Variants in SOX6 observed in about 807,000 individuals in gnomAD.
The protein encoded by SOX6 is SRY-box transcription factor 6.
In SOX6, 11 loss-of-function variants were observed where a neutral mutation model predicts 97.8. That is an observed-to-expected ratio of 0.11 (90% CI 0.07 to 0.19). SOX6 has a LOEUF of 0.19. SOX6 is among the 10% of genes least tolerant of loss of function. SOX6 has a pLI of 1.00. For synonymous variants in SOX6, 360 were observed against 371.4 expected (o/e 0.97, Z 0.35); for missense variants, 810 against 1,039.5 (o/e 0.78, Z 3.04).
intron 10 of SOX6, among the ~76,000 whole-genome samples, chr11:16,052,864 G>A (rs887768795): frequency 6.6e-6 from 1 of 152,152 alleles, no homozygotes; most frequent in African/African-American, 2.4e-5. Context: ...TGATGCCCAT[G>A]TGTCAGGAGG....
intron 1 of SOX6, among the ~76,000 whole-genome samples, chr11:16,400,385 G>T (rs1178892965): frequency 6.6e-6 from 1 of 151,396 alleles, no homozygotes; most frequent in African/African-American, 2.4e-5. Context: ...AGTTTGGTGA[G>T]ATCCTTATAC....
chr11:16,484,108 G>A (rs1387010563), intron 4 of SOX6: 1 of 770,378 alleles, frequency 1.3e-6, no homozygotes, highest in Non-Finnish European at 2.4e-6. Context: ...TGAGGTACAG[G>A]TGACACTCAA....
At chr11:16,097,729 A>G (rs375420195) in intron 7 of SOX6, 41 bp from the exon 8 acceptor site, 11 of 1,541,682 alleles carry the variant, frequency 7.1e-6, no homozygotes, top group African/African-American at 5.5e-5. Context: ...GACAATGCAC[A>G]GGGAATTGCA....
intron 1 of SOX6, among the ~76,000 whole-genome samples, chr11:16,345,548 C>T (rs1444922797): frequency 6.6e-6 from 1 of 152,034 alleles, no homozygotes; most frequent in Non-Finnish European, 1.5e-5. Context: ...TACTCCAAAA[C>T]ACCAGTACAA....
chr11:16,174,329 C>A (rs1851124111), intron 6 of SOX6, among the ~76,000 whole-genome samples: 1 of 151,876 alleles, frequency 6.6e-6, no homozygotes, highest in African/African-American at 2.4e-5. Context: ...ACTATGAATT[C>A]CTTAACTTTC....
At chr11:16,052,822 T>A (rs73417077) in intron 10 of SOX6, among the ~76,000 whole-genome samples, 2,268 of 152,288 alleles carry the variant, frequency 0.015, 51 homozygotes, top group African/African-American at 0.052. Context: ...TTTTCCCCAG[T>A]ACTGAGGTTA....
chr11:16,278,349 G>A (rs1400694793), intron 3 of SOX6, among the ~76,000 whole-genome samples: 1 of 151,936 alleles, frequency 6.6e-6, no homozygotes, highest in East Asian at 1.9e-4. Flanking sequence ...ACCCAACAAG[G>A]CATAATTGCC....
chr11:16,706,450 A>C (rs1409089140), intron 3 of SOX6, among the ~76,000 whole-genome samples: 508 of 5,800 alleles, frequency 0.088, 7 homozygotes, highest in African/African-American at 0.25. Context: ...AACCTATCAC[A>C]AAAAAAAAAA....
chr11:16,727,689 C>T (rs139961626), intron 2 of SOX6, among the ~76,000 whole-genome samples: 1 of 151,968 alleles, frequency 6.6e-6, no homozygotes, highest in African/African-American at 2.4e-5. Flanking sequence ...CTGCCCACCT[C>T]GGCCTCCCAA....
chr11:16,405,460 T>C (rs1371839149), intron 1 of SOX6, among the ~76,000 whole-genome samples: 1 of 151,974 alleles, frequency 6.6e-6, no homozygotes, highest in Non-Finnish European at 1.5e-5. Flanking sequence ...CGAATACAGC[T>C]TCAGATGAAT....
In SOX6 at chr11:15,968,447, G is replaced by A. The variant is rs1204555502; in HGVS notation, c.*4362C>T. ...TTCCTCTCCCTAATGAGTTGGTAGA[G>A]GTCAATTCTTTGCAAAATGAGTAAA... On this transcript the variant is annotated 3_prime_UTR_variant, in exon 16 of 16. Transcript: ENST00000683767. 1 of 152,272 alleles carries A rather than the reference G, an allele frequency of 6.6e-6. No homozygotes were observed. The highest frequency in any genetic ancestry group is 2.4e-5 in the African/African-American group (1 of 41,570). 9.4% of individuals were successfully genotyped at this position (152,272 alleles called of 1,614,324 possible). A position where few individuals can be genotyped will look rare whatever the true frequency, so the allele number is the denominator to read the frequency against.
intron 4 of SOX6, among the ~76,000 whole-genome samples, chr11:16,560,248 G>T (rs1847793398): frequency 6.6e-6 from 1 of 152,092 alleles, no homozygotes; most frequent in African/African-American, 2.4e-5. Flanking sequence ...GCTCTATAGT[G>T]CATGCCTTAA....
At position 15,986,205 on chromosome 11, in the gene SOX6, C is replaced by T; in HGVS notation, c.2182G>A (p.Gly728Arg). The change falls in exon 15 of 16, where the codon GGG (glycine) becomes AGG (arginine). Residue 728 changes from glycine (G) to arginine (R), a missense_variant and splice_region_variant. Physicochemically the swap from Gly to Arg is moderately radical, Grantham distance 125. This residue lies in a region of SOX6 where 122 missense variants were observed against 153.4 expected (regional missense o/e 0.80). Coordinates refer to ENST00000683767, the MANE Select transcript of SOX6 (RefSeq NM_001367873.1). ...GTGGCTAAATTCAGGAATACTTACC[C>T]CACAGTAAAGAACTGCCTCATCTCC... ...RQEMRQFFTV[G>R]QQPQIPITTG... 1 of 1,613,970 alleles carries T rather than the reference C, an allele frequency of 6.2e-7. No homozygotes were observed. Among genetic ancestry groups the T allele is most frequent in the Non-Finnish European group, 8.5e-7 (1 of 1,179,892 alleles).
At chr11:16,497,893 G>T (rs1446352175) in intron 4 of SOX6, among the ~76,000 whole-genome samples, 3 of 152,208 alleles carry the variant, frequency 2.0e-5, no homozygotes, top group South Asian at 4.1e-4. Flanking sequence ...AAAACACTCT[G>T]CAGGATATTA....
At chr11:16,460,904 G>T (rs1359504494) in intron 1 of SOX6, among the ~76,000 whole-genome samples, 1 of 152,040 alleles carries the variant, frequency 6.6e-6, no homozygotes, top group African/African-American at 2.4e-5. Flanking sequence ...TCAAGGCCCT[G>T]CCTACACACT....
chr11:16,317,552 T>C (rs1855788066), intron 3 of SOX6: 1 of 155,126 alleles, frequency 6.4e-6, no homozygotes, highest in Non-Finnish European at 1.4e-5. Context: ...CAGGGAAGCA[T>C]GCAATATATT....
At chr11:16,350,289 CA>C (rs1361195610) in intron 1 of SOX6, among the ~76,000 whole-genome samples, 1 of 152,074 alleles carries the variant, frequency 6.6e-6, no homozygotes, top group Non-Finnish European at 1.5e-5. Context: ...GTGGCTAAAT[CA>C]GAAGGAAAAC....
chr11:16,661,043 T>C (rs1210773497), intron 3 of SOX6, among the ~76,000 whole-genome samples: 1 of 152,238 alleles, frequency 6.6e-6, no homozygotes, highest in African/African-American at 2.4e-5. Flanking sequence ...CTGATAAATG[T>C]GTGTTAAAGA....
At chr11:15,993,295 A>G (rs1183107930) in intron 13 of SOX6, among the ~76,000 whole-genome samples, 4 of 152,188 alleles carry the variant, frequency 2.6e-5, no homozygotes, top group African/African-American at 7.2e-5. Flanking sequence ...TGCTCCATTC[A>G]TCATTAAGTG....
Sources: gnomAD v4.1 joint callset for allele counts (sites outside exome capture counted in the v4.1 genomes callset) on GRCh38, gnomAD v4.1.1 for gene constraint, gnomAD v4.1.1 regional missense constraint, MANE v1.5 for transcripts, NCBI Gene and HGNC (gene_info 2026-07-23, HGNC 2026-07-21) for gene names.